The following OSBPL8 variants were observed in gnomAD, a reference collection of about 807,000 sequenced individuals.
OSBPL8 encodes oxysterol binding protein like 8, also known as oxysterol-binding protein-related protein 8.
Under a neutral mutation model 125.5 loss-of-function variants are expected in OSBPL8, and 59 were observed. The observed-to-expected ratio is 0.47, with a 90% confidence interval of 0.38 to 0.58. The LOEUF is 0.58. OSBPL8 is among the 20% of genes least tolerant of loss of function. The probability of loss-of-function intolerance (pLI) is 0.00; values close to 1 mark genes in which losing one functional copy is unlikely to be tolerated. For synonymous variants in OSBPL8, 330 were observed against 338.9 expected (o/e 0.97, Z 0.29); for missense variants, 758 against 1,047.8 (o/e 0.72, Z 3.82).
chr12:76,374,218 T>C lies in OSBPL8; in HGVS notation c.1828-785A>G, dbSNP rs1313177626. Among the ~76,000 whole-genome samples the C allele has an allele frequency of 2.6e-5, 4 of 152,136 alleles. No individual in the cohort carries two copies. The South Asian group carries it at 8.3e-4, about 31-fold the overall frequency. On this transcript the variant is annotated intron_variant, in intron 17 of 23. Transcript: ENST00000261183. ...GAAATATTTTTATCTGAATATACTA[T>C]TGTTCAAGAACAATTAATTCACATT... is the stretch of plus-strand genomic sequence containing the variant.
rs547589633 is a variant in OSBPL8 at position 76,435,019 on chromosome 12, A to G, written c.217+15832T>C. On this transcript the variant is annotated intron_variant, in intron 4 of 23. Transcript: ENST00000261183. ...CACTTCAGAGTATATATCCAAAGGAAATGAAACCTGTATCTCAAGGAGATA... is the reference window on the plus strand; with the variant it reads ...CACTTCAGAGTATATATCCAAAGGAGATGAAACCTGTATCTCAAGGAGATA... 2.5e-4 allele frequency among the ~76,000 whole-genome samples: 38 copies of G among 152,326 alleles called. 1 individual carries two copies. The South Asian group carries it at 7.9e-3, about 32-fold the overall frequency.
At position 76,388,241 on chromosome 12, in the gene OSBPL8, G is replaced by A. The variant is rs142165289; in HGVS notation, c.1352+1404C>T. ...CTTGTATATATGCCATTCTGTATAT[G>A]TGGCATTATATCTGTAGGAGTTATT... On this transcript the variant is annotated intron_variant, in intron 12 of 23. Coordinates refer to ENST00000261183, the MANE Select transcript of OSBPL8 (RefSeq NM_020841.5). 1.2e-4 allele frequency among the ~76,000 whole-genome samples: 18 copies of A among 152,292 alleles called. No homozygotes were observed. The East Asian group carries it at 1.9e-3, about 16-fold the overall frequency.
At chr12:76,392,186 A>G (rs1315859975) in intron 10 of OSBPL8, among the ~76,000 whole-genome samples, 1 of 152,240 alleles carries the variant, frequency 6.6e-6, no homozygotes, top group East Asian at 1.9e-4. Flanking sequence ...GTTACTCTAT[A>G]GAAAGACAGA....
intron 2 of OSBPL8, among the ~76,000 whole-genome samples, chr12:76,474,207 T>A (rs959942860): frequency 1.3e-5 from 2 of 152,172 alleles, no homozygotes; most frequent in African/African-American, 4.8e-5. Context: ...AAAAATTTTT[T>A]AAGTATTTTG....
chr12:76,442,722 T>G (rs35590166), intron 4 of OSBPL8, among the ~76,000 whole-genome samples: 77,834 of 151,922 alleles, frequency 0.51, 21,670 homozygotes, highest in African/African-American at 0.72. Context: ...CATATGTTCA[T>G]AATTGATACT....
At chr12:76,384,952 G>A (rs1953243386) in intron 14 of OSBPL8, among the ~76,000 whole-genome samples, 1 of 152,062 alleles carries the variant, frequency 6.6e-6, no homozygotes, top group Non-Finnish European at 1.5e-5. Context: ...CTCAGTTTTG[G>A]CACTAATTTT....
At chr12:76,482,482 G>C (rs1297378396) in intron 2 of OSBPL8, among the ~76,000 whole-genome samples, 6 of 152,042 alleles carry the variant, frequency 3.9e-5, no homozygotes, top group Non-Finnish European at 8.8e-5. Context: ...GCGTGGTGGC[G>C]CATGCCTGTA....
At chr12:76,384,112 A>G (rs184891336) in intron 15 of OSBPL8, 142 bp downstream of exon 15, 2 of 441,568 alleles carry the variant, frequency 4.5e-6, no homozygotes, top group Non-Finnish European at 8.1e-6. Context: ...GAGTGGGCAG[A>G]AAAAAGCCAT....
chr12:76,366,668 C>A, intron 21 of OSBPL8: 1 of 380,320 alleles, frequency 2.6e-6, no homozygotes, highest in Non-Finnish European at 5.1e-6. Context: ...TGTAGATGTT[C>A]ACAGATATAT....
intron 4 of OSBPL8, among the ~76,000 whole-genome samples, chr12:76,417,607 T>G (rs1228351879): frequency 6.6e-6 from 1 of 152,212 alleles, no homozygotes; most frequent in Non-Finnish European, 1.5e-5. Context: ...TCACTAATTC[T>G]ATCTTCATCT....
chr12:76,546,896 T>A (rs1950797640), intron 1 of OSBPL8, among the ~76,000 whole-genome samples: 1 of 152,136 alleles, frequency 6.6e-6, no homozygotes, highest in Non-Finnish European at 1.5e-5. Context: ...AAAAAAAATG[T>A]AAAGGGGCCA....
chr12:76,410,309 G>A (rs1024415422), intron 5 of OSBPL8, among the ~76,000 whole-genome samples: 1 of 152,090 alleles, frequency 6.6e-6, no homozygotes, highest in Non-Finnish European at 1.5e-5. Context: ...AGTTTGAGAA[G>A]TGCTGCTATA....
intron 4 of OSBPL8, among the ~76,000 whole-genome samples, chr12:76,446,694 T>C (rs1442232589): frequency 1.3e-5 from 2 of 152,122 alleles, no homozygotes; most frequent in Non-Finnish European, 2.9e-5. Flanking sequence ...ATGATAATAA[T>C]ATTATTATAT....
At position 76,389,821 on chromosome 12, in the gene OSBPL8, C is replaced by T; in HGVS notation, c.1176G>A (p.Glu392=). 3 of 1,499,952 alleles carry T rather than the reference C, an allele frequency of 2.0e-6. No individual in the cohort carries two copies. The highest frequency in any genetic ancestry group is 2.7e-6 in the Non-Finnish European group (3 of 1,120,076). The allele number at this position is 1,499,952 out of a possible 1,614,324, so 92.9% of individuals were successfully genotyped here. A position where few individuals can be genotyped will look rare whatever the true frequency, so the allele number is the denominator to read the frequency against. The stretch of plus-strand genomic sequence containing the variant: ...CAGATACAGTTTCTGTTTGAGAAGC[C>T]TCACCTGCCTTTATCAATTAATGAA... The part of the protein sequence containing the change: ...QSHEELGEAG[E]ASQTETVSEE... Residue 392 remains glutamate, a synonymous_variant, in exon 12 of 24, where the codon GAG becomes GAA. Coordinates refer to ENST00000261183, the MANE Select transcript of OSBPL8 (RefSeq NM_020841.5).
At position 76,526,635 on chromosome 12, in the gene OSBPL8, CTTTTTTTTTTTTTTT is replaced by C. The variant is rs573409160; in HGVS notation, c.-68+32747_-68+32761del. The stretch of plus-strand genomic sequence containing the variant: ...TGTTATACTTGCTATCAGTAAATCT[CTTTTTTTTTTTTTTT>C]TTTTTTTTTTTTTTTTTTGAGACAG... On this transcript the variant is annotated intron_variant, in intron 1 of 23. Coordinates refer to ENST00000261183, the MANE Select transcript of OSBPL8 (RefSeq NM_020841.5). Among the ~76,000 whole-genome samples, 226 of 64,290 alleles carry C rather than the reference CTTTTTTTTTTTTTTT, an allele frequency of 3.5e-3. 1 individual carries two copies. Among genetic ancestry groups the C allele is most frequent in the South Asian group, 0.018 (23 of 1,262 alleles). The allele number at this position is 64,290 out of a possible 152,430, so 42.2% of individuals were successfully genotyped here.
At chr12:76,408,487 G>A (rs1255001377) in intron 5 of OSBPL8, among the ~76,000 whole-genome samples, 3 of 144,584 alleles carry the variant, frequency 2.1e-5, no homozygotes, top group Admixed American at 1.4e-4. Context: ...AAAAAAAGTA[G>A]CTATTAATAT....
chr12:76,555,219 C>G (rs1391644441), intron 1 of OSBPL8, among the ~76,000 whole-genome samples: 1 of 152,072 alleles, frequency 6.6e-6, no homozygotes, highest in Non-Finnish European at 1.5e-5. Context: ...ACATTACAGG[C>G]AAAGACAATT....
intron 4 of OSBPL8, among the ~76,000 whole-genome samples, chr12:76,414,684 C>T (rs1301028243): frequency 1.3e-5 from 2 of 151,742 alleles, no homozygotes; most frequent in African/African-American, 4.8e-5. Context: ...AAATCCTGGG[C>T]TCAAGCAATC....
In OSBPL8 at chr12:76,459,938, A is replaced by T. The variant is rs535532474; in HGVS notation, c.43-43T>A. 2.7e-5 allele frequency: 43 copies of T among 1,606,128 alleles called. No homozygotes were observed. In the African/African-American group the frequency reaches 5.3e-4, roughly 20 times the overall value. On this transcript the variant is annotated intron_variant, in intron 2 of 23. Transcript: ENST00000261183. Reference sequence around the variant, plus strand: ...TTGAGCAGCAAACAAATACAGTCCAAATCAGGAAGAAGCAAAATGCATCAG... The same window carrying T: ...TTGAGCAGCAAACAAATACAGTCCATATCAGGAAGAAGCAAAATGCATCAG...
Sources: gnomAD v4.1 joint callset for allele counts (sites outside exome capture counted in the v4.1 genomes callset) on GRCh38, gnomAD v4.1.1 for gene constraint, MANE v1.5 for transcripts, NCBI Gene and HGNC (gene_info 2026-07-23, HGNC 2026-07-21) for gene names.